The following TMEM237 variants were observed in gnomAD, a reference collection of about 807,000 sequenced individuals.
TMEM237 encodes the protein transmembrane protein 237.
A neutral mutation model predicts 59.1 loss-of-function variants in TMEM237; 51 were observed. That is an observed-to-expected ratio of 0.86 (90% CI 0.69 to 1.09). The LOEUF (loss-of-function observed/expected upper bound fraction) is 1.09, where lower values mean the gene tolerates loss of function less well. Among genes scored for constraint, TMEM237 ranks in the 50% least tolerant of loss-of-function variants. TMEM237 has a pLI of 0.00. For missense variants in TMEM237, 475 were observed against 478.3 expected, an observed-to-expected ratio of 0.99 and a Z score of 0.06; for synonymous variants, 140 against 166.1, an observed-to-expected ratio of 0.84 and a Z score of 1.21.
At chr2:201,637,414 C>T (rs1211724286) in intron 4 of TMEM237, among the ~76,000 whole-genome samples, 1 of 152,180 alleles carries the variant, frequency 6.6e-6, no homozygotes, top group African/African-American at 2.4e-5. Context: ...ACATACCTGA[C>T]TGCATTCCCT....
intron 12 of TMEM237, 109 bp from the exon 13 acceptor site, chr2:201,624,431 C>T (rs1335192991): frequency 1.6e-6 from 1 of 625,606 alleles, no homozygotes; most frequent in Non-Finnish European, 2.5e-6. Context: ...ATAATATATA[C>T]TAATAGAAAG....
Position 201,627,388 on chromosome 2 carries a change from G to C in TMEM237, c.970C>G (p.Leu324Val). The C allele has an allele frequency of 1.2e-6, 2 of 1,604,570 alleles. No homozygotes were observed. Among genetic ancestry groups the C allele is most frequent in the Non-Finnish European group, 1.7e-6 (2 of 1,175,158 alleles). The change falls in exon 11 of 13, where the codon CTG becomes GTG. Residue 324 changes from leucine to valine, a missense_variant. By Grantham distance (32) the Leu-to-Val change is conservative. Coordinates refer to ENST00000409883, the MANE Select transcript of TMEM237 (RefSeq NM_001044385.3). The stretch of plus-strand genomic sequence containing the variant: ...CTGTCACTTGTCATTTGCTGACTCA[G>C]AGATAGTATAAGAGCAGTAAAGTAC... The part of the protein sequence containing the change: ...FLYFTALILS[L>V]SQQMTSDRIH...
intron 3 of TMEM237, 106 bp downstream of exon 3, chr2:201,640,155 T>C: frequency 1.1e-6 from 1 of 892,260 alleles, no homozygotes; most frequent in Non-Finnish European, 1.6e-6. Flanking sequence ...AAACATATTG[T>C]AGAATTACAA....
chr2:201,634,678 T>C (rs867040622), intron 5 of TMEM237: 2 of 178,458 alleles, frequency 1.1e-5, no homozygotes, highest in Middle Eastern at 5.4e-4. Context: ...TGAAATAAAC[T>C]GTAGAGTAGT....
chr2:201,640,324 C>G, intron 2 of TMEM237, 59 bp from the exon 3 acceptor site: 1 of 1,472,908 alleles, frequency 6.8e-7, no homozygotes, highest in Admixed American at 2.4e-5. Flanking sequence ...AAAAAAGAAA[C>G]AATTAATTAG....
chr2:201,627,955 C>T (rs926006201), intron 10 of TMEM237, 121 bp downstream of exon 10: 16 of 589,362 alleles, frequency 2.7e-5, no homozygotes, highest in Non-Finnish European at 4.4e-5. Context: ...CACTGAACAT[C>T]TATAGGTAAT....
At chr2:201,639,579 T>G (rs1436832994) in intron 3 of TMEM237, among the ~76,000 whole-genome samples, 1 of 152,180 alleles carries the variant, frequency 6.6e-6, no homozygotes, top group Non-Finnish European at 1.5e-5. Flanking sequence ...GCAGATCACT[T>G]GAGCTCAGGA....
Position 201,643,303 on chromosome 2 carries a change from C to CA in TMEM237, c.42+55dup, listed in dbSNP as rs1687470691. The stretch of plus-strand genomic sequence containing the variant: ...CCCCACACACACCCACCCCCACTGC[C>CA]AAGTGTAGCTGTTTACCCGCCACCT... On this transcript the variant is annotated intron_variant, in intron 1 of 12. Transcript: ENST00000409883. The surrounding 1 kb of genome is among the most constrained non-coding windows in gnomAD (Gnocchi z 4.3). 23 of 1,525,392 alleles carry CA rather than the reference C, an allele frequency of 1.5e-5. No individual in the cohort carries two copies. In the South Asian group the frequency reaches 2.8e-4, roughly 18 times the overall value. 94.5% of individuals were successfully genotyped at this position (1,525,392 alleles called of 1,614,324 possible).
intron 10 of TMEM237, 125 bp from the exon 11 acceptor site, chr2:201,627,539 C>A: frequency 4.9e-6 from 3 of 617,752 alleles, no homozygotes; most frequent in Non-Finnish European, 8.0e-6. Context: ...TTTATTTGAC[C>A]AAATAAATAT....
chr2:201,624,366 G>A (rs1402886782), intron 12 of TMEM237, 44 bp from the exon 13 acceptor site: 5 of 1,492,102 alleles, frequency 3.4e-6, no homozygotes, highest in Non-Finnish European at 3.7e-6. Context: ...TTGTTTCCCA[G>A]TACCTCCAAC....
chr2:201,643,285 CA>C lies in TMEM237; in HGVS notation c.42+73del. 2.2e-6 allele frequency: 3 copies of C among 1,393,488 alleles called. No homozygotes were observed. The highest frequency in any genetic ancestry group is 3.0e-6 in the Non-Finnish European group (3 of 1,012,502). 86.3% of individuals were successfully genotyped at this position (1,393,488 alleles called of 1,614,324 possible). On this transcript the variant is annotated intron_variant, in intron 1 of 12. Coordinates refer to ENST00000409883, the MANE Select transcript of TMEM237 (RefSeq NM_001044385.3). The surrounding 1 kb of genome is among the most constrained non-coding windows in gnomAD (Gnocchi z 4.3). ...CCCAGCTCGTTGGCGCCCCCCCACA[CA>C]CACCCACCCCCACTGCCAAGTGTAG...
intron 5 of TMEM237, 127 bp downstream of exon 5, chr2:201,636,621 T>C: frequency 1.9e-6 from 2 of 1,079,530 alleles, no homozygotes; most frequent in Non-Finnish European, 2.6e-6. Context: ...GTAAATATTT[T>C]AAACATAAAA....
In TMEM237 at chr2:201,629,327, G is replaced by A. The variant is rs1957787501; in HGVS notation, c.772C>T (p.Leu258Phe). ...TTGTATTGTTGCAGAAGGTTTGAGAGGTTGGATAGCTGATCTCCTGCTAGA... is the reference window on the plus strand; with the variant it reads ...TTGTATTGTTGCAGAAGGTTTGAGAAGTTGGATAGCTGATCTCCTGCTAGA... ...YVLAGDQLSN[L>F]SNLLQQYKTL... Residue 258 changes from leucine (L) to phenylalanine (F), a missense_variant, in exon 9 of 13, where the codon CTC becomes TTC. Coordinates refer to ENST00000409883, the MANE Select transcript of TMEM237 (RefSeq NM_001044385.3). The A allele has an allele frequency of 5.0e-6, 8 of 1,611,732 alleles. No individual in the cohort carries two copies. The East Asian group carries it at 6.7e-5, about 13-fold the overall frequency.
In TMEM237 at chr2:201,629,383, C is replaced by T. The variant is rs769694232; in HGVS notation, c.716G>A (p.Cys239Tyr). 6.3e-7 allele frequency: 1 copy of T among 1,592,040 alleles called. No homozygotes were observed. Among genetic ancestry groups the T allele is most frequent in the Non-Finnish European group, 8.5e-7 (1 of 1,173,824 alleles). Residue 239 changes from cysteine (C) to tyrosine (Y), a missense_variant, in exon 9 of 13, where the codon TGT becomes TAT. Coordinates refer to ENST00000409883, the MANE Select transcript of TMEM237 (RefSeq NM_001044385.3). ...TATCACAACAATATTCCACACAGCACAGCCAGCCAAGAATCCATGAGAAAA... is the reference window on the plus strand; with the variant it reads ...TATCACAACAATATTCCACACAGCATAGCCAGCCAAGAATCCATGAGAAAA... ...GLFSHGFLAG[C>Y]AVWNIVVIYV...
intron 3 of TMEM237, among the ~76,000 whole-genome samples, chr2:201,639,360 T>C (rs888010606): frequency 6.6e-6 from 1 of 152,232 alleles, no homozygotes; most frequent in Non-Finnish European, 1.5e-5. Flanking sequence ...TTCTGGCCTA[T>C]AGGCTGTGAG....
chr2:201,643,455 TC>T lies in TMEM237; in HGVS notation c.-56del, dbSNP rs1234599001. 113 of 1,404,952 alleles carry T rather than the reference TC, an allele frequency of 8.0e-5. 1 individual carries two copies. The Admixed American group carries it at 3.3e-3, about 41-fold the overall frequency. 87.0% of individuals were successfully genotyped at this position (1,404,952 alleles called of 1,614,324 possible). A position where few individuals can be genotyped will look rare whatever the true frequency, so the allele number is the denominator to read the frequency against. On this transcript the variant is annotated 5_prime_UTR_variant, in exon 1 of 13. Coordinates refer to ENST00000409883, the MANE Select transcript of TMEM237 (RefSeq NM_001044385.3). The surrounding 1 kb of genome is among the most constrained non-coding windows in gnomAD (Gnocchi z 4.3). ...CAACCGCCGGCGGCCCGAGCCCAGC[TC>T]CCCGCGACGCAGCGGCCTCCGGGAC...
At chr2:201,634,982 C>T in intron 5 of TMEM237, 1 of 254,084 alleles carries the variant, frequency 3.9e-6, no homozygotes, top group Non-Finnish European at 8.7e-6. Flanking sequence ...CATCTTTGTT[C>T]CTTCCCTGAG....
At chr2:201,632,310 G>A in intron 6 of TMEM237, 102 bp from the exon 7 acceptor site, 1 of 1,280,202 alleles carries the variant, frequency 7.8e-7, no homozygotes, top group Non-Finnish European at 1.1e-6. Flanking sequence ...CCCTGGACTT[G>A]GAGTTAAGAA....
rs772680401 is a variant in TMEM237 at position 201,633,341 on chromosome 2, G to A, written c.365C>T (p.Ala122Val). 1.9e-6 allele frequency: 3 copies of A among 1,597,424 alleles called. No homozygotes were observed. Among genetic ancestry groups the A allele is most frequent in the African/African-American group, 1.3e-5 (1 of 74,436 alleles). ...CTTCCTCCGAGGTTTTTGAATAACT[G>A]CCTCCTCAGCTGGCTCCGCATCAAT... Reference protein sequence around the residue: ...NGIDAEPAEEAVIQKPRRKTK... With the variant: ...NGIDAEPAEEVVIQKPRRKTK... The change falls in exon 6 of 13, where the codon GCA becomes GTA. Residue 122 changes from alanine to valine, a missense_variant. Physicochemically the swap from Ala to Val is moderately conservative, Grantham distance 64. Transcript: ENST00000409883.
Sources: gnomAD v4.1 joint callset for allele counts (sites outside exome capture counted in the v4.1 genomes callset) on GRCh38, gnomAD v4.1.1 for gene constraint, Gnocchi (gnomAD v3.1) non-coding constraint, MANE v1.5 for transcripts, NCBI Gene and HGNC (gene_info 2026-07-23, HGNC 2026-07-21) for gene names.